CDH8: variants seen among roughly 807,000 people sequenced by gnomAD.
CDH8 encodes the protein cadherin-8.
A neutral mutation model predicts 68.1 loss-of-function variants in CDH8; 17 were observed. The observed-to-expected ratio is 0.25, with a 90% CI of 0.17 to 0.37. CDH8 has a LOEUF of 0.37. Among genes scored for constraint, CDH8 ranks in the 10% least tolerant of loss-of-function variants. CDH8 has a pLI of 1.00. For synonymous variants in CDH8, 372 were observed against 365.1 expected (o/e 1.02, Z -0.21); for missense variants, 763 against 999.3 (o/e 0.76, Z 3.19).
rs76465179 is a variant in CDH8, at chr16:61,958,380, T to C, written c.253-56907A>G. On this transcript the variant is annotated intron_variant, in intron 2 of 11. Transcript: ENST00000577390. ...GTATGATGATATGTGGGAAAGCAGCTAAACAAAGCAGAACTACATCAATAT... is the reference window on the plus strand; with the variant it reads ...GTATGATGATATGTGGGAAAGCAGCCAAACAAAGCAGAACTACATCAATAT... Among the ~76,000 whole-genome samples the C allele has an allele frequency of 3.0e-3, 454 of 152,318 alleles. 3 individuals carry two copies. Among genetic ancestry groups the C allele is most frequent in the African/African-American group, 0.01 (426 of 41,570 alleles).
chr16:61,969,914 G>A (rs1219499926), intron 2 of CDH8, among the ~76,000 whole-genome samples: 1 of 152,178 alleles, frequency 6.6e-6, no homozygotes, highest in Non-Finnish European at 1.5e-5. Context: ...TGTGAATGCT[G>A]AAAAAGAAAT....
chr16:61,905,566 C>A (rs1018561748), intron 2 of CDH8, among the ~76,000 whole-genome samples: 1 of 152,044 alleles, frequency 6.6e-6, no homozygotes, highest in Non-Finnish European at 1.5e-5. Flanking sequence ...AATGAGATTA[C>A]TGAGATTGAG....
In CDH8 at chr16:61,764,299, G is replaced by A. The variant is rs143977161; in HGVS notation, c.1414+25047C>T. 7.4e-3 allele frequency among the ~76,000 whole-genome samples: 1,130 copies of A among 152,094 alleles called. 18 individuals are homozygous for A. The highest frequency in any genetic ancestry group is 9.1e-3 in the Non-Finnish European group (619 of 67,978). ...TTCTTCAATGAAAGAAGTGAGAAGG[G>A]GAATCGAAAATGAATAGAAGGAGGT... On this transcript the variant is annotated intron_variant, in intron 8 of 11. Coordinates refer to ENST00000577390, the MANE Select transcript of CDH8 (RefSeq NM_001796.5).
intron 1 of CDH8, among the ~76,000 whole-genome samples, chr16:62,027,062 T>G (rs2150618557): frequency 6.6e-6 from 1 of 152,372 alleles, no homozygotes; most frequent in Non-Finnish European, 1.5e-5. Flanking sequence ...TATGTGTGTC[T>G]GACAAAGCAA....
chr16:61,879,461 G>A (rs1963527763), intron 3 of CDH8, among the ~76,000 whole-genome samples: 1 of 152,184 alleles, frequency 6.6e-6, no homozygotes, highest in South Asian at 2.1e-4. Flanking sequence ...AGGCAATGCA[G>A]ATCCGGTTGA....
intron 7 of CDH8, among the ~76,000 whole-genome samples, chr16:61,803,897 T>C (rs1961726250): frequency 1.5e-5 from 2 of 133,086 alleles, no homozygotes; most frequent in Admixed American, 7.5e-5. Context: ...CTGTCAACAT[T>C]AGACAGATCA....
intron 2 of CDH8, among the ~76,000 whole-genome samples, chr16:62,020,934 G>C (rs1201495135): frequency 6.6e-6 from 1 of 152,072 alleles, no homozygotes; most frequent in Non-Finnish European, 1.5e-5. Flanking sequence ...ACTGATAGCC[G>C]GGTGGAAGAG....
intron 10 of CDH8, among the ~76,000 whole-genome samples, chr16:61,705,945 A>G (rs1427758293): frequency 1.3e-5 from 2 of 152,302 alleles, no homozygotes; most frequent in Admixed American, 6.5e-5. Flanking sequence ...GAAGGGCAAA[A>G]CCTGTGTCTA....
At chr16:61,776,611 G>A (rs539280470) in intron 8 of CDH8, among the ~76,000 whole-genome samples, 5 of 152,216 alleles carry the variant, frequency 3.3e-5, no homozygotes, top group Admixed American at 3.3e-4. Flanking sequence ...CAATTTGAGA[G>A]ATTCTCTGGA....
Position 61,844,291 on chromosome 16 carries a change from GGGGA to G in CDH8, c.667+12824_667+12827del, listed in dbSNP as rs1351559764. Among the ~76,000 whole-genome samples, 8 of 115,080 alleles carry G rather than the reference GGGGA, an allele frequency of 7.0e-5. No individual in the cohort carries two copies. The Admixed American group carries it at 8.4e-4, about 12-fold the overall frequency. 75.5% of individuals were successfully genotyped at this position (115,080 alleles called of 152,430 possible). A position where few individuals can be genotyped will look rare whatever the true frequency, so the allele number is the denominator to read the frequency against. ...GGGACTGTTGTGGGGTGGGGGGAGG[GGGGA>G]GGGAGGGATAGCATTAGGAGATATA... On this transcript the variant is annotated intron_variant, in intron 4 of 11. Coordinates refer to ENST00000577390, the MANE Select transcript of CDH8 (RefSeq NM_001796.5).
chr16:61,849,560 G>C lies in CDH8; in HGVS notation c.667+7559C>G, dbSNP rs572126174. Among the ~76,000 whole-genome samples the C allele has an allele frequency of 2.4e-3, 372 of 152,240 alleles. 4 individuals carry two copies. Among genetic ancestry groups the C allele is most frequent in the African/African-American group, 8.5e-3 (354 of 41,566 alleles). ...CTTCATGAGAGGACATAATTTGGAGGGGGTGTGTGATTTTGTAAAGTGAAT... is the reference window on the plus strand; with the variant it reads ...CTTCATGAGAGGACATAATTTGGAGCGGGTGTGTGATTTTGTAAAGTGAAT... On this transcript the variant is annotated intron_variant, in intron 4 of 11. Coordinates refer to ENST00000577390, the MANE Select transcript of CDH8 (RefSeq NM_001796.5).
intron 2 of CDH8, among the ~76,000 whole-genome samples, chr16:61,998,409 G>A (rs1183961794): frequency 1.3e-5 from 2 of 152,122 alleles, no homozygotes; most frequent in African/African-American, 2.4e-5. Flanking sequence ...AAAGAGATCA[G>A]GTTATTTGCA....
chr16:61,837,967 C>T (rs1219299277), intron 4 of CDH8, among the ~76,000 whole-genome samples: 2 of 152,004 alleles, frequency 1.3e-5, no homozygotes, highest in African/African-American at 4.8e-5. Flanking sequence ...ACACTTAGAA[C>T]AGAAAGTGAG....
chr16:61,840,729 A>AT (rs1405945726), intron 4 of CDH8, among the ~76,000 whole-genome samples: 9 of 152,134 alleles, frequency 5.9e-5, no homozygotes, highest in Non-Finnish European at 1.3e-4. Flanking sequence ...ATGAGAACAC[A>AT]TAGACACAGG....
At chr16:61,881,896 C>T (rs1188571117) in intron 3 of CDH8, among the ~76,000 whole-genome samples, 2 of 152,184 alleles carry the variant, frequency 1.3e-5, no homozygotes, top group Non-Finnish European at 2.9e-5. Context: ...TTTCTATATT[C>T]TCTAAGCTGT....
Position 61,652,151 on chromosome 16 carries a change from A to T in CDH8, c.*1457T>A, listed in dbSNP as rs966021555. The stretch of plus-strand genomic sequence containing the variant: ...CTGCATGTAATACTTGAGTTTTATC[A>T]TACATTTTCTACTCCTAAATGGCAG... On this transcript the variant is annotated 3_prime_UTR_variant, in exon 12 of 12. Transcript: ENST00000577390. 2.8e-5 allele frequency: 27 copies of T among 980,786 alleles called. No homozygotes were observed. Among genetic ancestry groups the T allele is most frequent in the Non-Finnish European group, 3.0e-5 (25 of 825,724 alleles). 60.8% of individuals were successfully genotyped at this position (980,786 alleles called of 1,614,324 possible).
Position 61,648,017 on chromosome 16 carries a change from T to A in CDH8, c.*5591A>T, listed in dbSNP as rs1342742184. The A allele has an allele frequency of 1.7e-6, 1 of 584,646 alleles. No individual in the cohort carries two copies. The highest frequency in any genetic ancestry group is 1.9e-5 in the African/African-American group (1 of 53,066). The allele number at this position is 584,646 out of a possible 1,614,324, so 36.2% of individuals were successfully genotyped here. ...TTGGGGAAATAGTACCCAAAGGCAC[T>A]ATTTTCACCAGCAAATGCCTACTAA... is the stretch of plus-strand genomic sequence containing the variant. On this transcript the variant is annotated 3_prime_UTR_variant, in exon 12 of 12. Transcript: ENST00000577390.
At chr16:61,887,212 T>C (rs531646752) in intron 3 of CDH8, among the ~76,000 whole-genome samples, 4 of 152,268 alleles carry the variant, frequency 2.6e-5, no homozygotes, top group East Asian at 1.9e-4. Flanking sequence ...GTAGGTAACA[T>C]TGGTAATGAT....
intron 2 of CDH8, among the ~76,000 whole-genome samples, chr16:61,942,425 A>T: frequency 6.6e-6 from 1 of 152,190 alleles, no homozygotes; most frequent in East Asian, 1.9e-4. Flanking sequence ...TGAGCCTAAG[A>T]GTTGCAGGTT....
Sources: gnomAD v4.1 joint callset for allele counts (sites outside exome capture counted in the v4.1 genomes callset) on GRCh38, gnomAD v4.1.1 for gene constraint, MANE v1.5 for transcripts, NCBI Gene and HGNC (gene_info 2026-07-23, HGNC 2026-07-21) for gene names.